The following DYM variants were observed in gnomAD, a reference collection of about 807,000 sequenced individuals.
DYM encodes the protein dymeclin.
Under a neutral mutation model 93.1 loss-of-function variants are expected in DYM, and 78 were observed. The ratio of observed to expected loss-of-function variants is 0.84; its 90% CI spans 0.70 to 1.01. DYM has a LOEUF of 1.01. Ranked by LOEUF, DYM falls within the 50% of genes least tolerant of loss-of-function variation. The probability of loss-of-function intolerance (pLI) is 0.00; values close to 1 mark genes in which losing one functional copy is unlikely to be tolerated. For synonymous variants in DYM, 321 were observed against 319.7 expected, an observed-to-expected ratio of 1.00 and a Z score of -0.04; for missense variants, 789 against 845.0, an observed-to-expected ratio of 0.93 and a Z score of 0.82.
In DYM at chr18:49,042,224, G is replaced by T. The variant is rs775625337; in HGVS notation, c.*1831C>A. On this transcript the variant is annotated 3_prime_UTR_variant, in exon 18 of 18. Coordinates refer to ENST00000675505, the MANE Select transcript of DYM (RefSeq NM_001353214.3). ...CATGGGCTCTGAGGTGAACACAGGA[G>T]TCAGAGTCCCCACTCCAGCAGTGAC... is the stretch of plus-strand genomic sequence containing the variant. 6.5e-6 allele frequency: 1 copy of T among 153,110 alleles called. No individual in the cohort carries two copies. Among genetic ancestry groups the T allele is most frequent in the Non-Finnish European group, 1.5e-5 (1 of 68,088 alleles). The allele number at this position is 153,110 out of a possible 1,614,324, so 9.5% of individuals were successfully genotyped here. A position where few individuals can be genotyped will look rare whatever the true frequency, so the allele number is the denominator to read the frequency against.
At chr18:49,330,656 T>C (rs530899502) in intron 8 of DYM, among the ~76,000 whole-genome samples, 1 of 152,182 alleles carries the variant, frequency 6.6e-6, no homozygotes, top group Non-Finnish European at 1.5e-5. Flanking sequence ...CCTCTAACCA[T>C]ATTGGAATAT....
intron 2 of DYM, among the ~76,000 whole-genome samples, chr18:49,430,023 CA>C (rs1241378316): frequency 1.3e-5 from 2 of 152,236 alleles, no homozygotes; most frequent in South Asian, 2.1e-4. Flanking sequence ...TAGAACGATT[CA>C]AAATAAACTG....
chr18:49,334,672 GAAAT>G (rs1169123928), intron 6 of DYM, among the ~76,000 whole-genome samples: 9 of 152,104 alleles, frequency 5.9e-5, no homozygotes, highest in East Asian at 1.9e-4. Flanking sequence ...TTATAAAAAT[GAAAT>G]AATTATGAAA....
chr18:49,083,758 A>G (rs530276690), intron 17 of DYM, among the ~76,000 whole-genome samples: 1 of 152,266 alleles, frequency 6.6e-6, no homozygotes, highest in East Asian at 1.9e-4. Context: ...TGCTCATTTC[A>G]TCTACAATGT....
intron 14 of DYM, among the ~76,000 whole-genome samples, chr18:49,185,343 T>G (rs2090334810): frequency 6.6e-6 from 1 of 152,214 alleles, no homozygotes; most frequent in Non-Finnish European, 1.5e-5. Flanking sequence ...AAATTACATC[T>G]TTAAGACTTA....
chr18:49,332,981 T>C (rs2063416649), intron 7 of DYM, among the ~76,000 whole-genome samples: 1 of 152,150 alleles, frequency 6.6e-6, no homozygotes, highest in Non-Finnish European at 1.5e-5. Flanking sequence ...CCCAGATCCT[T>C]TCCCTCAGTG....
intron 13 of DYM, among the ~76,000 whole-genome samples, chr18:49,252,870 A>G (rs1160346779): frequency 2.0e-5 from 3 of 152,222 alleles, no homozygotes; most frequent in African/African-American, 2.4e-5. Context: ...TTGAAATTCA[A>G]TAACCTCATA....
intron 3 of DYM, chr18:49,391,298 C>G (rs1352401890): frequency 2.9e-6 from 1 of 348,150 alleles, no homozygotes; most frequent in African/African-American, 2.1e-5. Flanking sequence ...AATAACAGCA[C>G]TTGGTAAATC....
intron 14 of DYM, among the ~76,000 whole-genome samples, chr18:49,167,167 T>C (rs1394785001): frequency 6.6e-6 from 1 of 152,096 alleles, no homozygotes; most frequent in African/African-American, 2.4e-5. Context: ...ACTGTTTCTT[T>C]TAGAGAAGAA....
chr18:49,094,362 G>T (rs1329038351), intron 17 of DYM, among the ~76,000 whole-genome samples: 1 of 152,170 alleles, frequency 6.6e-6, no homozygotes, highest in Non-Finnish European at 1.5e-5. Flanking sequence ...GCTTTGAGCT[G>T]CGGCTTCTAA....
intron 1 of DYM, among the ~76,000 whole-genome samples, chr18:49,431,134 C>T (rs185155069): frequency 2.0e-5 from 3 of 152,290 alleles, no homozygotes; most frequent in East Asian, 1.9e-4. Flanking sequence ...AGGAAGGGAA[C>T]ATAGCTCAAG....
chr18:49,038,784 C>T lies in DYM; in HGVS notation c.*5271G>A, dbSNP rs1160147535. On this transcript the variant is annotated 3_prime_UTR_variant, in exon 18 of 18. Transcript: ENST00000675505. The stretch of plus-strand genomic sequence containing the variant: ...CTCTCTTATTATGTGGAAAGCTATA[C>T]ACTTTTATTGATATCTCAAATATTA... Among the ~76,000 whole-genome samples the T allele has an allele frequency of 6.6e-6, 1 of 152,196 alleles. No homozygotes were observed. Among genetic ancestry groups the T allele is most frequent in the Non-Finnish European group, 1.5e-5 (1 of 68,018 alleles).
chr18:49,216,255 G>A (rs565671593), intron 13 of DYM, among the ~76,000 whole-genome samples: 10 of 152,200 alleles, frequency 6.6e-5, no homozygotes, highest in African/African-American at 1.9e-4. Flanking sequence ...CGGGAAGCTC[G>A]AACTGGGTAG....
chr18:49,418,061 A>AC (rs2073201301), intron 2 of DYM: 1 of 9,196 alleles, frequency 1.1e-4, no homozygotes, highest in African/African-American at 5.2e-4. Context: ...ACTCTGTCTG[A>AC]AAAAAAAAAA....
intron 13 of DYM, among the ~76,000 whole-genome samples, chr18:49,230,668 C>G (rs1261247090): frequency 1.3e-5 from 2 of 152,180 alleles, no homozygotes; most frequent in South Asian, 4.1e-4. Context: ...AGTTATTTCT[C>G]AAGGTCTTAA....
chr18:49,278,861 T>A (rs566274621), intron 10 of DYM, among the ~76,000 whole-genome samples: 60 of 152,342 alleles, frequency 3.9e-4, no homozygotes, highest in Non-Finnish European at 7.1e-4. Flanking sequence ...CAGATATATT[T>A]CTTTTCTCTT....
At chr18:49,056,906 G>A (rs2075543755) in intron 17 of DYM, among the ~76,000 whole-genome samples, 1 of 152,168 alleles carries the variant, frequency 6.6e-6, no homozygotes, top group Admixed American at 6.5e-5. Context: ...TGTCCAGGCT[G>A]GTCTTGAATT....
chr18:49,127,098 G>C (rs549933330), intron 15 of DYM, among the ~76,000 whole-genome samples: 12 of 152,282 alleles, frequency 7.9e-5, no homozygotes, highest in Non-Finnish European at 1.5e-4. Flanking sequence ...GAATCTGCTA[G>C]CTCATCAATG....
chr18:49,221,560 G>A (rs961297188), intron 13 of DYM, among the ~76,000 whole-genome samples: 1 of 152,166 alleles, frequency 6.6e-6, no homozygotes, highest in Non-Finnish European at 1.5e-5. Flanking sequence ...TATACACCAT[G>A]GAATACTATG....
Sources: allele counts gnomAD v4.1 joint callset (sites outside exome capture counted in the v4.1 genomes callset), GRCh38; gene constraint gnomAD v4.1.1; transcripts MANE v1.5; gene names NCBI Gene and HGNC (gene_info 2026-07-23, HGNC 2026-07-21).